The following COL8A1 variants were observed in gnomAD, a reference collection of about 807,000 sequenced individuals.
COL8A1 encodes collagen type VIII alpha 1 chain, also known as collagen alpha-1(VIII) chain.
In COL8A1, 21 loss-of-function variants were observed where a neutral mutation model predicts 42.7. The ratio of observed to expected loss-of-function variants is 0.49; its 90% CI spans 0.35 to 0.71. COL8A1 has a LOEUF of 0.71. COL8A1 is among the 30% of genes least tolerant of loss of function. The pLI, the probability that COL8A1 is intolerant of heterozygous loss-of-function variation, is 0.01. For synonymous variants in COL8A1, 367 were observed against 369.1 expected (o/e 0.99, Z 0.06); for missense variants, 788 against 962.4 (o/e 0.82, Z 2.40).
chr3:99,646,169 C>T (rs998380899), intron 1 of COL8A1, among the ~76,000 whole-genome samples: 1 of 152,112 alleles, frequency 6.6e-6, no homozygotes, highest in African/African-American at 2.4e-5. Context: ...AGACTTGAGA[C>T]ACTTGCATAA....
At chr3:99,658,075 C>G (rs575948833) in intron 1 of COL8A1, among the ~76,000 whole-genome samples, 1 of 149,128 alleles carries the variant, frequency 6.7e-6, no homozygotes, top group South Asian at 2.1e-4. Context: ...TGCAGTGAGC[C>G]GAGATCGCAC....
At chr3:99,711,913 GA>G (rs922045207) in intron 1 of COL8A1, among the ~76,000 whole-genome samples, 1 of 151,898 alleles carries the variant, frequency 6.6e-6, no homozygotes. Context: ...GCTGGTGGGG[GA>G]AAAAAAGCAT....
In COL8A1 at chr3:99,677,012, G is replaced by GT. The variant is rs529141441; in HGVS notation, c.-129+38351dup. On this transcript the variant is annotated intron_variant, in intron 1 of 3. Coordinates refer to ENST00000652472, the MANE Select transcript of COL8A1 (RefSeq NM_020351.4). ...GCAGGTGGATCACTTAAGCCCAAGA[G>GT]TTTGAGACAAGCCTAGGCAACATGG... Among the ~76,000 whole-genome samples the GT allele has an allele frequency of 4.1e-3, 629 of 151,892 alleles. 6 individuals are homozygous for GT. The highest frequency in any genetic ancestry group is 0.014 in the African/African-American group (600 of 41,444).
chr3:99,748,259 G>A (rs1397995203), intron 2 of COL8A1, among the ~76,000 whole-genome samples: 1 of 152,178 alleles, frequency 6.6e-6, no homozygotes, highest in Non-Finnish European at 1.5e-5. Context: ...AAGCAGGAAT[G>A]ACTATAGCTG....
At chr3:99,638,718 T>C (rs2107275497) in intron 1 of COL8A1, 54 bp downstream of exon 1, 1 of 152,274 alleles carries the variant, frequency 6.6e-6, no homozygotes, top group South Asian at 2.1e-4. Context: ...TATGGGGGAA[T>C]AAGTCACCCT....
At chr3:99,762,280 T>C (rs896467054) in intron 2 of COL8A1, among the ~76,000 whole-genome samples, 3 of 152,170 alleles carry the variant, frequency 2.0e-5, no homozygotes, top group Non-Finnish European at 4.4e-5. Flanking sequence ...CTTTTTAATG[T>C]GTATCTATGT....
chr3:99,784,827 T>C (rs1483524281), intron 2 of COL8A1, among the ~76,000 whole-genome samples: 1 of 152,156 alleles, frequency 6.6e-6, no homozygotes, highest in Non-Finnish European at 1.5e-5. Flanking sequence ...TAAAAAACAA[T>C]GTTGAGATAA....
Position 99,796,194 on chromosome 3 carries a change from C to T in COL8A1, c.*58C>T. On this transcript the variant is annotated 3_prime_UTR_variant, in exon 4 of 4. Transcript: ENST00000652472. ...AGATTTTATAGAAGAAAATGACACA[C>T]CAAAAAATCCAAATGAAAAACATAA... 7.8e-7 allele frequency: 1 copy of T among 1,284,408 alleles called. No individual in the cohort carries two copies. The highest frequency in any genetic ancestry group is 1.0e-6 in the Non-Finnish European group (1 of 970,804). 79.6% of individuals were successfully genotyped at this position (1,284,408 alleles called of 1,614,324 possible). A position where few individuals can be genotyped will look rare whatever the true frequency, so the allele number is the denominator to read the frequency against.
chr3:99,683,835 A>G (rs1235372164), intron 1 of COL8A1, among the ~76,000 whole-genome samples: 1 of 152,172 alleles, frequency 6.6e-6, no homozygotes, highest in Non-Finnish European at 1.5e-5. Flanking sequence ...TTCTGTTTTT[A>G]CCTAAGTGCA....
intron 3 of COL8A1, among the ~76,000 whole-genome samples, chr3:99,791,605 G>A (rs962503011): frequency 4.6e-5 from 7 of 152,296 alleles, no homozygotes; most frequent in Admixed American, 6.5e-5. Flanking sequence ...CTTTCTTGGC[G>A]TATTTATTTA....
At chr3:99,665,743 A>G (rs1938348990) in intron 1 of COL8A1, among the ~76,000 whole-genome samples, 1 of 137,558 alleles carries the variant, frequency 7.3e-6, no homozygotes, top group African/African-American at 2.8e-5. Context: ...GGGCAATGGC[A>G]CAATCTCGGC....
intron 2 of COL8A1, among the ~76,000 whole-genome samples, chr3:99,758,007 A>T (rs1941288354): frequency 6.6e-6 from 1 of 152,202 alleles, no homozygotes; most frequent in African/African-American, 2.4e-5. Flanking sequence ...ATACCAAAGT[A>T]ATCATGGTTT....
At chr3:99,715,582 A>T (rs1374786888) in intron 1 of COL8A1, among the ~76,000 whole-genome samples, 1 of 152,064 alleles carries the variant, frequency 6.6e-6, no homozygotes, top group African/African-American at 2.4e-5. Flanking sequence ...CTCTTTATGT[A>T]TCAGAACTTG....
At chr3:99,768,711 T>G (rs1048706152) in intron 2 of COL8A1, among the ~76,000 whole-genome samples, 9 of 152,234 alleles carry the variant, frequency 5.9e-5, no homozygotes, top group Non-Finnish European at 1.0e-4. Context: ...GACACCATCC[T>G]CACCCTTCCT....
intron 2 of COL8A1, among the ~76,000 whole-genome samples, chr3:99,772,953 A>C (rs1359145747): frequency 6.6e-6 from 1 of 152,208 alleles, no homozygotes; most frequent in Non-Finnish European, 1.5e-5. Context: ...TTGGAGACAG[A>C]CCAGCAGATT....
chr3:99,703,925 T>A (rs1939611951), intron 1 of COL8A1, among the ~76,000 whole-genome samples: 1 of 152,176 alleles, frequency 6.6e-6, no homozygotes, highest in African/African-American at 2.4e-5. Context: ...CATCTATGGT[T>A]TTTTTTAATT....
At chr3:99,698,601 A>G (rs1245973697) in intron 1 of COL8A1, among the ~76,000 whole-genome samples, 5 of 152,184 alleles carry the variant, frequency 3.3e-5, no homozygotes, top group Admixed American at 2.6e-4. Context: ...CAATTTCCTT[A>G]TGTTCTAGTT....
At chr3:99,683,406 T>A (rs914661788) in intron 1 of COL8A1, among the ~76,000 whole-genome samples, 1 of 152,288 alleles carries the variant, frequency 6.6e-6, no homozygotes, top group African/African-American at 2.4e-5. Context: ...AGATAATATA[T>A]AAACTGGAAC....
At chr3:99,674,175 T>C (rs1321528891) in intron 1 of COL8A1, among the ~76,000 whole-genome samples, 1 of 152,020 alleles carries the variant, frequency 6.6e-6, no homozygotes, top group Non-Finnish European at 1.5e-5. Flanking sequence ...TTTCAATCAA[T>C]ACTTTCATTG....
Sources: gnomAD v4.1 joint callset for allele counts (sites outside exome capture counted in the v4.1 genomes callset) on GRCh38, gnomAD v4.1.1 for gene constraint, MANE v1.5 for transcripts, NCBI Gene and HGNC (gene_info 2026-07-23, HGNC 2026-07-21) for gene names.